Variants in BBS9 observed in about 807,000 individuals in gnomAD.
BBS9 encodes the protein protein PTHB1.
A neutral mutation model predicts 117.7 loss-of-function variants in BBS9; 89 were observed. The observed-to-expected ratio is 0.76, with a 90% CI of 0.64 to 0.90. The LOEUF (loss-of-function observed/expected upper bound fraction) is 0.90, where lower values mean the gene tolerates loss of function less well. Ranked by LOEUF, BBS9 falls within the 40% of genes least tolerant of loss-of-function variation. The pLI, the probability that BBS9 is intolerant of heterozygous loss-of-function variation, is 0.00. For synonymous variants in BBS9, 379 were observed against 370.9 expected, an observed-to-expected ratio of 1.02 and a Z score of -0.25; for missense variants, 982 against 1,042.2, an observed-to-expected ratio of 0.94 and a Z score of 0.80.
intron 19 of BBS9, among the ~76,000 whole-genome samples, chr7:33,435,666 C>G (rs1835197776): frequency 6.6e-6 from 1 of 152,142 alleles, no homozygotes; most frequent in South Asian, 2.1e-4. Context: ...GTGTTTGCAA[C>G]TGTTGGAACC....
intron 19 of BBS9, among the ~76,000 whole-genome samples, chr7:33,437,825 A>G (rs569059381): frequency 2.0e-5 from 3 of 152,308 alleles, no homozygotes; most frequent in African/African-American, 7.2e-5. Flanking sequence ...GCACTGAGCC[A>G]AGATCCTGCC....
At chr7:33,569,774 TA>T (rs1414792934) in intron 21 of BBS9, among the ~76,000 whole-genome samples, 2 of 151,680 alleles carry the variant, frequency 1.3e-5, no homozygotes, top group African/African-American at 4.8e-5. Context: ...AAAAATAAAA[TA>T]AAATAAAATA....
chr7:33,187,467 TTC>T (rs1783310653), intron 5 of BBS9, among the ~76,000 whole-genome samples: 1 of 152,234 alleles, frequency 6.6e-6, no homozygotes, highest in Admixed American at 6.5e-5. Context: ...CTTGGGCACT[TTC>T]AGGGACTGAA....
chr7:33,341,761 A>G (rs1163528297), intron 11 of BBS9, among the ~76,000 whole-genome samples: 1 of 152,146 alleles, frequency 6.6e-6, no homozygotes, highest in South Asian at 2.1e-4. Context: ...TGCTCTATGA[A>G]TAAGTGAATT....
chr7:33,191,588 A>T (rs1420970473), intron 5 of BBS9, among the ~76,000 whole-genome samples: 1 of 152,210 alleles, frequency 6.6e-6, no homozygotes, highest in East Asian at 1.9e-4. Flanking sequence ...TGGAGAAGGC[A>T]GGGCCTAAGC....
intron 18 of BBS9, among the ~76,000 whole-genome samples, chr7:33,386,073 A>G (rs955222342): frequency 1.3e-5 from 2 of 152,198 alleles, no homozygotes; most frequent in African/African-American, 4.8e-5. Context: ...TGGCACATGT[A>G]TACATATGTA....
At chr7:33,232,373 GATATAA>G (rs943867775) in intron 5 of BBS9, among the ~76,000 whole-genome samples, 1 of 152,036 alleles carries the variant, frequency 6.6e-6, no homozygotes, top group Admixed American at 6.6e-5. Context: ...CTAAAGTTTA[GATATAA>G]ATAGAAATAC....
At chr7:33,597,835 T>C (rs937518218) in intron 21 of BBS9, among the ~76,000 whole-genome samples, 1 of 150,760 alleles carries the variant, frequency 6.6e-6, no homozygotes, top group Non-Finnish European at 1.5e-5. Context: ...AGTTCTTTGA[T>C]TCCACCAAAA....
chr7:33,234,921 T>C (rs1232315899), intron 5 of BBS9, among the ~76,000 whole-genome samples: 1 of 151,852 alleles, frequency 6.6e-6, no homozygotes, highest in Non-Finnish European at 1.5e-5. Flanking sequence ...GAATGGAAGG[T>C]AGTAAAAGTA....
At chr7:33,559,730 T>G (rs558866519) in intron 21 of BBS9, among the ~76,000 whole-genome samples, 3 of 152,270 alleles carry the variant, frequency 2.0e-5, no homozygotes, top group East Asian at 1.9e-4. Flanking sequence ...TTCATTGCCT[T>G]CACAATAAAC....
intron 9 of BBS9, among the ~76,000 whole-genome samples, chr7:33,329,640 T>G (rs1813580701): frequency 6.6e-6 from 1 of 152,158 alleles, no homozygotes. Flanking sequence ...GAAAGTAGAT[T>G]ACTGCATAAA....
chr7:33,167,306 A>C (rs1044249642), intron 4 of BBS9, among the ~76,000 whole-genome samples: 11 of 145,182 alleles, frequency 7.6e-5, no homozygotes, highest in African/African-American at 2.3e-4. Context: ...TAGCATAAAA[A>C]TCTGACAAAG....
At chr7:33,559,114 C>T (rs1855711026) in intron 21 of BBS9, among the ~76,000 whole-genome samples, 1 of 152,136 alleles carries the variant, frequency 6.6e-6, no homozygotes, top group Admixed American at 6.5e-5. Context: ...ATGGTGCTCC[C>T]TGCTTTTGGT....
At chr7:33,479,420 G>C (rs1033049027) in intron 19 of BBS9, among the ~76,000 whole-genome samples, 6 of 152,132 alleles carry the variant, frequency 3.9e-5, no homozygotes, top group African/African-American at 1.4e-4. Flanking sequence ...CTACATCCAT[G>C]TTGCTGCCAA....
intron 19 of BBS9, among the ~76,000 whole-genome samples, chr7:33,448,788 T>C (rs1017408221): frequency 2.0e-5 from 3 of 152,242 alleles, no homozygotes; most frequent in African/African-American, 7.2e-5. Flanking sequence ...GTTGGTCTCA[T>C]TCACTGCTGT....
intron 5 of BBS9, among the ~76,000 whole-genome samples, chr7:33,189,779 A>G (rs796846205): frequency 1.3e-5 from 2 of 151,500 alleles, no homozygotes; most frequent in South Asian, 2.1e-4. Context: ...CCAGCTACTC[A>G]GGAAGCTGAG....
chr7:33,376,776 C>G (rs889210530), intron 17 of BBS9, among the ~76,000 whole-genome samples: 2 of 152,078 alleles, frequency 1.3e-5, no homozygotes, highest in African/African-American at 4.8e-5. Flanking sequence ...TTGGCTTTGA[C>G]TTGAATTTCT....
intron 21 of BBS9, among the ~76,000 whole-genome samples, chr7:33,577,214 AAAC>A (rs1859056261): frequency 6.6e-6 from 1 of 152,150 alleles, no homozygotes. Flanking sequence ...CAAGGAAAAA[AAAC>A]AACCCCATCC....
chr7:33,235,117 A>G (rs1485035324), intron 5 of BBS9, among the ~76,000 whole-genome samples: 1 of 152,192 alleles, frequency 6.6e-6, no homozygotes, highest in Non-Finnish European at 1.5e-5. Flanking sequence ...GGACCCAAAG[A>G]AAGAATATGT....
Sources: gnomAD v4.1 joint callset for allele counts (sites outside exome capture counted in the v4.1 genomes callset) on GRCh38, gnomAD v4.1.1 for gene constraint, MANE v1.5 for transcripts, NCBI Gene and HGNC (gene_info 2026-07-23, HGNC 2026-07-21) for gene names.